Variants in BCAR3 observed in about 807,000 individuals in gnomAD.
BCAR3 encodes the protein breast cancer anti-estrogen resistance protein 3.
In BCAR3, 37 loss-of-function variants were observed where a neutral mutation model predicts 80.1. The ratio of observed to expected loss-of-function variants is 0.46; its 90% confidence interval spans 0.36 to 0.61. BCAR3 has a LOEUF of 0.61. BCAR3 is among the 20% of genes least tolerant of loss of function. BCAR3 has a pLI of 0.00. For synonymous variants in BCAR3, 389 were observed against 418.9 expected, an observed-to-expected ratio of 0.93 and a Z score of 0.87; for missense variants, 978 against 1,068.2, an observed-to-expected ratio of 0.92 and a Z score of 1.18.
At chr1:93,694,040 G>T (rs1171627257) in intron 3 of BCAR3, among the ~76,000 whole-genome samples, 1 of 152,218 alleles carries the variant, frequency 6.6e-6, no homozygotes, top group Non-Finnish European at 1.5e-5. Flanking sequence ...GCAAAGAGAG[G>T]CTAAGTTGCC....
chr1:93,769,741 A>G lies in BCAR3; in HGVS notation c.-62-63599T>C, dbSNP rs770537137. Among the ~76,000 whole-genome samples, 5 of 152,138 alleles carry G rather than the reference A, an allele frequency of 3.3e-5. 1 individual carries two copies. Among genetic ancestry groups the G allele is most frequent in the Non-Finnish European group, 7.4e-5 (5 of 68,024 alleles). The stretch of plus-strand genomic sequence containing the variant: ...TGCTTTTCTGCTTTGTGAATCTATG[A>G]AAAGGAAAATTTTTTCCAACTCTTT... On this transcript the variant is annotated intron_variant, in intron 2 of 13. Transcript: ENST00000370244.
intron 2 of BCAR3, among the ~76,000 whole-genome samples, chr1:93,706,323 G>A (rs900353696): frequency 5.3e-5 from 8 of 152,120 alleles, no homozygotes; most frequent in Non-Finnish European, 1.0e-4. Flanking sequence ...AGCTCACACC[G>A]CCCATTCTGC....
At chr1:93,701,700 C>T (rs117337091) in intron 3 of BCAR3, among the ~76,000 whole-genome samples, 2 of 152,314 alleles carry the variant, frequency 1.3e-5, no homozygotes, top group East Asian at 3.9e-4. Context: ...CCCAGGCCTG[C>T]CCCTGGGCCT....
At chr1:93,622,367 G>A (rs1188787579) in intron 3 of BCAR3, among the ~76,000 whole-genome samples, 1 of 152,182 alleles carries the variant, frequency 6.6e-6, no homozygotes, top group Non-Finnish European at 1.5e-5. Context: ...GTGTGATGAG[G>A]GAAGCACGGA....
chr1:93,630,455 G>A (rs1171624016), intron 3 of BCAR3, among the ~76,000 whole-genome samples: 1 of 150,750 alleles, frequency 6.6e-6, no homozygotes, highest in Non-Finnish European at 1.5e-5. Context: ...GGTGAAACCA[G>A]GTCTCTAAAA....
chr1:93,845,732 CT>C, intron 1 of BCAR3: 1 of 152,178 alleles, frequency 6.6e-6, no homozygotes. Context: ...AAAGAGCAGG[CT>C]TGCTTACTGC....
rs559206378 is a variant in BCAR3, at chr1:93,840,097, G to A, written c.-63+5470C>T. 3.3e-3 allele frequency among the ~76,000 whole-genome samples: 508 copies of A among 152,296 alleles called. 3 individuals carry two copies. The highest frequency in any genetic ancestry group is 0.011 in the African/African-American group (462 of 41,552). On this transcript the variant is annotated intron_variant, in intron 2 of 13. Coordinates refer to the BCAR3 transcript ENST00000370244. ...TGCTGATGCCAGGGTCCCATCCCCA[G>A]AAATTGTGATTTAACTGGCCTCAGG...
At chr1:93,725,196 C>T (rs1262824235) in intron 2 of BCAR3, among the ~76,000 whole-genome samples, 1 of 152,242 alleles carries the variant, frequency 6.6e-6, no homozygotes, top group Non-Finnish European at 1.5e-5. Flanking sequence ...TTCAGCAATA[C>T]ATCCCAAGCA....
chr1:93,651,864 A>G (rs1310990202), intron 2 of BCAR3, among the ~76,000 whole-genome samples: 1 of 152,162 alleles, frequency 6.6e-6, no homozygotes, highest in Non-Finnish European at 1.5e-5. Context: ...ATGCCTCCCA[A>G]GCCCGTGTCA....
chr1:93,719,977 T>C (rs1003620696), intron 2 of BCAR3, among the ~76,000 whole-genome samples: 4 of 152,242 alleles, frequency 2.6e-5, no homozygotes, highest in African/African-American at 7.2e-5. Context: ...GGTACAATCA[T>C]AGTGCACTAT....
chr1:93,637,404 C>T (rs1173932208), intron 3 of BCAR3, among the ~76,000 whole-genome samples: 1 of 152,120 alleles, frequency 6.6e-6, no homozygotes, highest in African/African-American at 2.4e-5. Context: ...ATCCACCCAC[C>T]TCGGGCTCCC....
Position 93,589,135 on chromosome 1 carries a change from C to A in BCAR3, c.771G>T (p.Val257=), listed in dbSNP as rs1225724362. The change falls in exon 5 of 12, where the codon GTG becomes GTT. Residue 257 remains valine (V), a synonymous_variant. Coordinates refer to ENST00000260502, the MANE Select transcript of BCAR3 (RefSeq NM_003567.4). ...AATGCTCCTCCAGGCACCGCAGAGG[C>A]ACCGTCCTGTTGATGGGCTGGAAGA... ...AIIFQPINRT[V]PLRCLEEHYG... The A allele has an allele frequency of 6.2e-7, 1 of 1,613,486 alleles. No individual in the cohort carries two copies. The highest frequency in any genetic ancestry group is 2.2e-5 in the East Asian group (1 of 44,868).
At chr1:93,835,139 A>AT (rs1654717197) in intron 2 of BCAR3, among the ~76,000 whole-genome samples, 1 of 152,108 alleles carries the variant, frequency 6.6e-6, no homozygotes. Context: ...ACACATCAAC[A>AT]TTTATACTGA....
At chr1:93,577,023 G>A (rs1673486743) in intron 7 of BCAR3, among the ~76,000 whole-genome samples, 1 of 152,128 alleles carries the variant, frequency 6.6e-6, no homozygotes, top group Admixed American at 6.6e-5. Context: ...GCATGGTGGT[G>A]TGTGCCTGCA....
At chr1:93,684,966 G>C (rs1309885830), upstream of BCAR3, among the ~76,000 whole-genome samples, 1 of 152,160 alleles carries the variant, frequency 6.6e-6, no homozygotes, top group Non-Finnish European at 1.5e-5. Flanking sequence ...CTGACATCAA[G>C]TGATCTGCCT....
At chr1:93,576,333 G>A (rs973226415) in intron 7 of BCAR3, among the ~76,000 whole-genome samples, 2 of 151,720 alleles carry the variant, frequency 1.3e-5, no homozygotes, top group Non-Finnish European at 2.9e-5. Flanking sequence ...AAAACTTAGG[G>A]GGAAAAGAAA....
chr1:93,722,880 C>T (rs1650452023), intron 2 of BCAR3, among the ~76,000 whole-genome samples: 1 of 152,100 alleles, frequency 6.6e-6, no homozygotes, highest in African/African-American at 2.4e-5. Context: ...GATTAGGCCC[C>T]TGAGAGTAAA....
At chr1:93,644,228 TTAAC>T (rs1313765678) in intron 2 of BCAR3, among the ~76,000 whole-genome samples, 14 of 152,164 alleles carry the variant, frequency 9.2e-5, no homozygotes. Context: ...CCTAAAGAAA[TTAAC>T]TAAAAGTCTA....
At chr1:93,797,824 A>G (rs1400970998) in intron 2 of BCAR3, among the ~76,000 whole-genome samples, 2 of 152,256 alleles carry the variant, frequency 1.3e-5, no homozygotes, top group Non-Finnish European at 1.5e-5. Flanking sequence ...AAAGGAAATT[A>G]TCCATTCCAA....
Sources: gnomAD v4.1 joint callset for allele counts (sites outside exome capture counted in the v4.1 genomes callset) on GRCh38, gnomAD v4.1.1 for gene constraint, MANE v1.5 for transcripts, NCBI Gene and HGNC (gene_info 2026-07-23, HGNC 2026-07-21) for gene names.